The following CENPI variants were observed in gnomAD, a reference collection of about 807,000 sequenced individuals.
The protein encoded by CENPI is centromere protein I, also known as FSH primary response 1.
CENPI carries 4 observed loss-of-function variants against 60.4 expected under a neutral mutation model. The observed-to-expected ratio is 0.07, with a 90% CI of 0.03 to 0.15. The LOEUF (loss-of-function observed/expected upper bound fraction) is 0.15, where lower values mean the gene tolerates loss of function less well. Among genes scored for constraint, CENPI ranks in the 10% least tolerant of loss-of-function variants. The probability of loss-of-function intolerance (pLI) is 1.00; values close to 1 mark genes in which losing one functional copy is unlikely to be tolerated. For missense variants in CENPI, 444 were observed against 534.5 expected (o/e 0.83, Z 1.67); for synonymous variants, 157 against 189.4 (o/e 0.83, Z 1.40).
chrX:101,176,741 G>A, the CENPI span, among the ~76,000 whole-genome samples: 11 of 112,893 alleles, frequency 9.7e-5, no homozygotes, highest in Admixed American at 1.0e-3. Flanking sequence ...TCTGTTGGTT[G>A]TTTCCTTTGC....
At chrX:101,152,840 A>G (rs147201124) in intron 20 of CENPI, among the ~76,000 whole-genome samples, 4,364 of 110,135 alleles carry the variant, frequency 0.04, 108 homozygotes, top group Non-Finnish European at 0.061. Context: ...ATTGATGGAC[A>G]TTTTTGTTAT....
chrX:101,161,995 C>T (rs953787364), intron 21 of CENPI, among the ~76,000 whole-genome samples: 8 of 109,553 alleles, frequency 7.3e-5, no homozygotes, highest in Middle Eastern at 9.3e-3. Context: ...GGCTGGAGTG[C>T]GGTGGTGTAA....
chrX:101,105,771 G>A (rs989592285), intron 4 of CENPI, among the ~76,000 whole-genome samples: 9 of 111,160 alleles, frequency 8.1e-5, no homozygotes, highest in Non-Finnish European at 1.5e-4. Flanking sequence ...TAATGATTAG[G>A]TTATCTTGAT....
At chrX:101,126,672 C>A in intron 8 of CENPI, 37 bp from the exon 9 acceptor site, 1 of 1,055,971 alleles carries the variant, frequency 9.5e-7, no homozygotes, top group Non-Finnish European at 1.3e-6. Context: ...TTCTTAATAG[C>A]CACAGAATTG....
rs1011374667 is a variant in CENPI at position 101,166,086 on chromosome X, C to CT, written c.*3126dup. On this transcript the variant is annotated 3_prime_UTR_variant, in exon 22 of 22. Coordinates refer to ENST00000682095, the MANE Select transcript of CENPI (RefSeq NM_001386188.2). Reference sequence around the variant, plus strand: ...TGTTCAATAATGATTCCCTGGGTATCTTTTTTTGCCCCACAAATAAAATAC... The same window carrying CT: ...TGTTCAATAATGATTCCCTGGGTATCTTTTTTTTGCCCCACAAATAAAATAC... Among the ~76,000 whole-genome samples, 1 of 111,265 alleles carries CT rather than the reference C, an allele frequency of 9.0e-6. No homozygotes were observed. The highest frequency in any genetic ancestry group is 3.3e-5 in the African/African-American group (1 of 30,760).
chrX:101,137,161 C>T (rs1270030281), intron 15 of CENPI, among the ~76,000 whole-genome samples: 1 of 112,229 alleles, frequency 8.9e-6, no homozygotes, highest in Non-Finnish European at 1.9e-5. Context: ...GATCCTTTCA[C>T]CTCAGCCTCC....
At chrX:101,119,070 C>G (rs2089650440) in intron 6 of CENPI, among the ~76,000 whole-genome samples, 2 of 111,040 alleles carry the variant, frequency 1.8e-5, no homozygotes, top group East Asian at 5.7e-4. Context: ...ATCTCAGCTA[C>G]TTGGGAGGCT....
chrX:101,154,808 T>G (rs2360004), intron 20 of CENPI, among the ~76,000 whole-genome samples: 1 of 111,141 alleles, frequency 9.0e-6, no homozygotes, highest in Admixed American at 9.7e-5. Context: ...TCCTAAGTAC[T>G]GTGTTTTTTG....
At position 101,162,963 on chromosome X, in the gene CENPI, A is replaced by G; in HGVS notation, c.2267A>G (p.Tyr756Cys). The change falls in exon 22 of 22, where the codon TAT becomes TGT. Residue 756 changes from tyrosine (Y) to cysteine (C), a missense_variant. Transcript: ENST00000682095. ...RAEGINCNNQ[Y>C] ...GAGGGCATAAACTGCAACAATCAAT[A>G]TTAAATGAATGTTGACATAAACTGA... 1 of 1,207,739 alleles carries G rather than the reference A, an allele frequency of 8.3e-7. No homozygotes were observed. Among genetic ancestry groups the G allele is most frequent in the Non-Finnish European group, 1.1e-6 (1 of 893,002 alleles).
At chrX:101,122,874 C>A (rs1470593269) in intron 8 of CENPI, among the ~76,000 whole-genome samples, 1 of 111,002 alleles carries the variant, frequency 9.0e-6, no homozygotes, top group Non-Finnish European at 1.9e-5. Context: ...TCCAAAAAAA[C>A]AAACAAACAA....
Position 101,163,529 on chromosome X carries a change from C to A in CENPI, c.*562C>A. 1 of 119,189 alleles carries A rather than the reference C, an allele frequency of 8.4e-6. No homozygotes were observed. Among genetic ancestry groups the A allele is most frequent in the Non-Finnish European group, 1.7e-5 (1 of 58,003 alleles). 9.8% of individuals were successfully genotyped at this position (119,189 alleles called of 1,213,427 possible). On this transcript the variant is annotated 3_prime_UTR_variant, in exon 22 of 22. Transcript: ENST00000682095. ...GAGAGGATTTGTTGGGTAATCAAGACATTCCCGTATATGTCTGATTTCATG... is the reference window on the plus strand; with the variant it reads ...GAGAGGATTTGTTGGGTAATCAAGAAATTCCCGTATATGTCTGATTTCATG...
rs1300456712 is a variant in CENPI at position 101,164,259 on chromosome X, C to T, written c.*1292C>T. On this transcript the variant is annotated 3_prime_UTR_variant, in exon 22 of 22. Coordinates refer to ENST00000682095, the MANE Select transcript of CENPI (RefSeq NM_001386188.2). ...TGATTCAATAAATATTTATTGAGCT[C>T]CTTTCTCTGTGCCAGGTACTCTTCT... 9.0e-6 allele frequency among the ~76,000 whole-genome samples: 1 copy of T among 111,112 alleles called. No homozygotes were observed. The highest frequency in any genetic ancestry group is 1.9e-5 in the Non-Finnish European group (1 of 53,091).
intron 6 of CENPI, among the ~76,000 whole-genome samples, chrX:101,114,888 G>C (rs755660132): frequency 9.1e-6 from 1 of 110,047 alleles, no homozygotes; most frequent in South Asian, 3.9e-4. Context: ...TGATTCGCCT[G>C]CCTCGGCCTC....
In CENPI at chrX:101,145,095, G is replaced by T; in HGVS notation, c.1597G>T (p.Val533Leu). The change falls in exon 17 of 22, where the codon GTG becomes TTG. Residue 533 changes from valine to leucine, a missense_variant. Coordinates refer to ENST00000682095, the MANE Select transcript of CENPI (RefSeq NM_001386188.2). ...ETTLGGSMNS[V>L]SKLIHYVGWL... ...AACTTTGGGTGGATCCATGAACTCT[G>T]TGTCTAAACTGATCCACTATGTAGG... The T allele has an allele frequency of 8.3e-7, 1 of 1,204,209 alleles. No homozygotes were observed. The highest frequency in any genetic ancestry group is 1.1e-6 in the Non-Finnish European group (1 of 889,870).
chrX:101,117,204 A>G (rs148304423), intron 6 of CENPI, among the ~76,000 whole-genome samples: 1,473 of 111,291 alleles, frequency 0.013, 3 homozygotes, highest in Non-Finnish European at 0.018. Flanking sequence ...ACATATATAT[A>G]TAATTTTTTT....
At chrX:101,174,957 G>T in the CENPI span, among the ~76,000 whole-genome samples, 2 of 110,815 alleles carry the variant, frequency 1.8e-5, no homozygotes, top group African/African-American at 6.6e-5. Flanking sequence ...AAAATACAAA[G>T]TTAGCCGGGC....
At chrX:101,100,834 A>G (rs1451415666) in intron 2 of CENPI, 5 of 369,813 alleles carry the variant, frequency 1.4e-5, no homozygotes, top group Non-Finnish European at 9.3e-6. Context: ...AGTTCAGCTG[A>G]TGAATGTTAC....
At chrX:101,181,636 C>T in the CENPI span, among the ~76,000 whole-genome samples, 3 of 112,142 alleles carry the variant, frequency 2.7e-5, no homozygotes, top group Non-Finnish European at 5.6e-5. Flanking sequence ...TGATCTTGAT[C>T]CTTACAACCT....
rs1242716793 is a variant in CENPI, at chrX:101,164,445, C to T, written c.*1478C>T. Among the ~76,000 whole-genome samples, 1 of 111,402 alleles carries T rather than the reference C, an allele frequency of 9.0e-6. No homozygotes were observed. Among genetic ancestry groups the T allele is most frequent in the East Asian group, 2.8e-4 (1 of 3,553 alleles). The stretch of plus-strand genomic sequence containing the variant: ...CTTTCTGGTTCAAGCAATTCTCCTG[C>T]CTCAGCCTCACGAATAGCTGGGATT... On this transcript the variant is annotated 3_prime_UTR_variant, in exon 22 of 22. Transcript: ENST00000682095.
Sources: gnomAD v4.1 joint callset for allele counts (sites outside exome capture counted in the v4.1 genomes callset) on GRCh38, gnomAD v4.1.1 for gene constraint, MANE v1.5 for transcripts, NCBI Gene and HGNC (gene_info 2026-07-23, HGNC 2026-07-21) for gene names.